The following ULK2 variants were observed in gnomAD, a reference collection of about 807,000 sequenced individuals.
The protein encoded by ULK2 is unc-51 like autophagy activating kinase 2, also known as serine/threonine-protein kinase ULK2.
Under a neutral mutation model 127.5 loss-of-function variants are expected in ULK2, and 76 were observed. The observed-to-expected ratio is 0.60, with a 90% CI of 0.50 to 0.72. ULK2 has a LOEUF of 0.72. Ranked by LOEUF, ULK2 falls within the 30% of genes least tolerant of loss-of-function variation. The pLI is 0.00. For synonymous variants in ULK2, 452 were observed against 461.9 expected (o/e 0.98, Z 0.28); for missense variants, 1,144 against 1,295.9 (o/e 0.88, Z 1.80).
chr17:19,845,419 C>T lies in ULK2; in HGVS notation c.470-42G>A, dbSNP rs758142682. On this transcript the variant is annotated intron_variant, in intron 6 of 26. Coordinates refer to ENST00000395544, the MANE Select transcript of ULK2 (RefSeq NM_014683.4). ...AAAGTAGAAAAGCAAATTACGTCTT[C>T]GCTCATACCTAACATATATCATATG... is the stretch of plus-strand genomic sequence containing the variant. The T allele has an allele frequency of 7.8e-6, 11 of 1,411,596 alleles. No homozygotes were observed. In the South Asian group the frequency reaches 8.1e-5, roughly 10 times the overall value. The allele number at this position is 1,411,596 out of a possible 1,614,324, so 87.4% of individuals were successfully genotyped here. A position where few individuals can be genotyped will look rare whatever the true frequency, so the allele number is the denominator to read the frequency against.
chr17:19,795,344 T>C (rs2087244192), intron 20 of ULK2, among the ~76,000 whole-genome samples: 1 of 21,608 alleles, frequency 4.6e-5, no homozygotes, highest in South Asian at 1.1e-3. Context: ...ATTACCCTAC[T>C]GATAAAAAAA....
At chr17:19,827,018 T>C (rs2041314788) in intron 10 of ULK2, among the ~76,000 whole-genome samples, 1 of 152,044 alleles carries the variant, frequency 6.6e-6, no homozygotes, top group African/African-American at 2.4e-5. Context: ...CCATTCTCCA[T>C]AATAGTTGTT....
chr17:19,809,357 A>G (rs1053603154), intron 14 of ULK2, among the ~76,000 whole-genome samples: 1 of 152,244 alleles, frequency 6.6e-6, no homozygotes, highest in Admixed American at 6.5e-5. Flanking sequence ...TTGGTTGCAT[A>G]ACAATGTGAA....
chr17:19,815,255 T>G (rs2040958722), intron 13 of ULK2, among the ~76,000 whole-genome samples: 1 of 151,184 alleles, frequency 6.6e-6, no homozygotes, highest in Admixed American at 6.6e-5. Flanking sequence ...CATTTTTTTT[T>G]GTTTGTTTTT....
intron 10 of ULK2, among the ~76,000 whole-genome samples, chr17:19,836,282 G>A (rs1252938575): frequency 3.3e-5 from 5 of 152,070 alleles, no homozygotes; most frequent in Non-Finnish European, 7.4e-5. Context: ...AGTGGCATGT[G>A]CCTGTAATCC....
chr17:19,849,778 A>C lies in ULK2; in HGVS notation c.226-4T>G. 1 of 1,523,928 alleles carries C rather than the reference A, an allele frequency of 6.6e-7. No homozygotes were observed. Among genetic ancestry groups the C allele is most frequent in the Non-Finnish European group, 8.9e-7 (1 of 1,122,794 alleles). 94.4% of individuals were successfully genotyped at this position (1,523,928 alleles called of 1,614,324 possible). A position where few individuals can be genotyped will look rare whatever the true frequency, so the allele number is the denominator to read the frequency against. On this transcript the variant is annotated splice_polypyrimidine_tract_variant and splice_region_variant and intron_variant, in intron 3 of 26. Coordinates refer to ENST00000395544, the MANE Select transcript of ULK2 (RefSeq NM_014683.4). Reference sequence around the variant, plus strand: ...AAAAGACAGAGTTGGGTAATTCCTGAAAAGTAAACATATTAAATATCATTT... The same window carrying C: ...AAAAGACAGAGTTGGGTAATTCCTGCAAAGTAAACATATTAAATATCATTT...
At position 19,801,976 on chromosome 17, in the gene ULK2, C is replaced by A; in HGVS notation, c.1296-54G>T. 5.9e-6 allele frequency: 9 copies of A among 1,517,168 alleles called. No individual in the cohort carries two copies. The South Asian group carries it at 1.2e-4, about 21-fold the overall frequency. The allele number at this position is 1,517,168 out of a possible 1,614,324, so 94.0% of individuals were successfully genotyped here. Reference sequence around the variant, plus strand: ...AGGTTCTAGAACTCTCTTTTTATTCCTGCATTTTCTGAAACTTCCTAACAA... The same window carrying A: ...AGGTTCTAGAACTCTCTTTTTATTCATGCATTTTCTGAAACTTCCTAACAA... On this transcript the variant is annotated intron_variant, in intron 15 of 26. Transcript: ENST00000395544.
chr17:19,840,529 G>A, intron 9 of ULK2: 3 of 420,758 alleles, frequency 7.1e-6, no homozygotes, highest in Non-Finnish European at 1.4e-5. Flanking sequence ...TGTCAATGAT[G>A]ACTATATGTA....
intron 3 of ULK2, among the ~76,000 whole-genome samples, chr17:19,857,180 G>A (rs12939361): frequency 3.8e-4 from 58 of 151,492 alleles, no homozygotes; most frequent in South Asian, 1.0e-3. Context: ...GTGGCGGGGC[G>A]CCTGTAATCC....
At chr17:19,820,078 C>G (rs2041099432) in intron 12 of ULK2, among the ~76,000 whole-genome samples, 1 of 143,478 alleles carries the variant, frequency 7.0e-6, no homozygotes. Flanking sequence ...GAGATGGAGT[C>G]TCGCTCTATC....
At position 19,786,075 on chromosome 17, in the gene ULK2, C is replaced by T; in HGVS notation, c.2113G>A (p.Ala705Thr). ...ERPMDIAPAG[A>T]CGGVLAPPAG... ...GGAGGTGCCAGAACACCACCACAGG[C>T]TCCTGCCGGAGCTACAACAAAAAGT... Residue 705 changes from alanine (A) to threonine (T), a missense_variant, in exon 21 of 27, where the codon GCC becomes ACC. Ala to Thr is a moderately conservative substitution (Grantham distance 58). Around this residue, in one of 2 missense-constraint regions of ULK2, gnomAD observed 913 missense variants for 970.5 expected, o/e 0.94. Transcript: ENST00000395544. The T allele has an allele frequency of 1.3e-6, 2 of 1,561,976 alleles. No homozygotes were observed. The highest frequency in any genetic ancestry group is 4.9e-5 in the East Asian group (2 of 40,582).
At chr17:19,825,238 G>C in intron 11 of ULK2, 56 bp from the exon 12 acceptor site, 2 of 1,494,220 alleles carry the variant, frequency 1.3e-6, no homozygotes. Context: ...CACATGACCT[G>C]TATAACAGAA....
intron 10 of ULK2, 148 bp from the exon 11 acceptor site, chr17:19,826,334 C>T (rs538600927): frequency 7.3e-5 from 26 of 354,920 alleles, no homozygotes; most frequent in Admixed American, 2.6e-4. Flanking sequence ...AATGTAAAAG[C>T]GTATTTTTTA....
chr17:19,836,837 G>A (rs1026172438), intron 10 of ULK2, among the ~76,000 whole-genome samples: 12 of 152,028 alleles, frequency 7.9e-5, no homozygotes, highest in Admixed American at 4.6e-4. Context: ...CCCAGGAGGC[G>A]GAAGTTGCAG....
Position 19,801,783 on chromosome 17 carries a change from GGGAAGGTGA to G in ULK2, c.1426_1434del (p.Ser476_Ser478del). The G allele has an allele frequency of 6.2e-7, 1 of 1,613,440 alleles. No individual in the cohort carries two copies. The highest frequency in any genetic ancestry group is 8.5e-7 in the Non-Finnish European group (1 of 1,179,880). ...GTTTTTAAACTCTACTTACCCAAAG[GGGAAGGTGA>G]GTAAGGCCTAGAAGACCCAGTGGAG... On this transcript the variant is annotated inframe_deletion, in exon 16 of 27. Transcript: ENST00000395544.
At chr17:19,862,505 C>A (rs996814576) in intron 3 of ULK2, among the ~76,000 whole-genome samples, 1 of 149,312 alleles carries the variant, frequency 6.7e-6, no homozygotes, top group Non-Finnish European at 1.5e-5. Context: ...TCGCTCGTTA[C>A]CCCAGGCTGG....
At position 19,797,569 on chromosome 17, in the gene ULK2, G is replaced by A; in HGVS notation, c.1636C>T (p.His546Tyr). ...YQNKQKLRKQ[H>Y]SDPVCPSHTG... ...TGGGATGGGCACACGGGGTCAGAGT[G>A]CTGTTTTCTGAGCTTCTGCTTGTTC... The change falls in exon 18 of 27, where the codon CAC becomes TAC. Residue 546 changes from histidine (H) to tyrosine (Y), a missense_variant. Physicochemically the swap from His to Tyr is moderately conservative, Grantham distance 83 (BLOSUM62 2). This residue lies in a region of ULK2 where 913 missense variants were observed against 970.5 expected (regional missense o/e 0.94). Transcript: ENST00000395544. 6.2e-7 allele frequency: 1 copy of A among 1,613,876 alleles called. No homozygotes were observed.
intron 15 of ULK2, among the ~76,000 whole-genome samples, chr17:19,803,133 AC>A (rs2087435846): frequency 2.0e-5 from 3 of 152,180 alleles, no homozygotes; most frequent in Admixed American, 1.3e-4. Context: ...GCTGCTTGAT[AC>A]CCATAACCAT....
chr17:19,851,134 G>A (rs1330693048), intron 3 of ULK2, among the ~76,000 whole-genome samples: 2 of 142,480 alleles, frequency 1.4e-5, no homozygotes, highest in Non-Finnish European at 3.0e-5. Flanking sequence ...CCAACATGGT[G>A]AAACCCTGTC....
Sources: gnomAD v4.1 joint callset for allele counts (sites outside exome capture counted in the v4.1 genomes callset) on GRCh38, gnomAD v4.1.1 for gene constraint, gnomAD v4.1.1 regional missense constraint, MANE v1.5 for transcripts, NCBI Gene and HGNC (gene_info 2026-07-23, HGNC 2026-07-21) for gene names.